The following ESR2 variants were observed in gnomAD, a reference collection of about 807,000 sequenced individuals.
ESR2 encodes estrogen receptor 2.
In ESR2, 36 loss-of-function variants were observed where a neutral mutation model predicts 49.6. That is an observed-to-expected ratio of 0.73 (90% CI 0.56 to 0.96). The LOEUF (loss-of-function observed/expected upper bound fraction) is 0.96, where lower values mean the gene tolerates loss of function less well. Among genes scored for constraint, ESR2 ranks in the 40% least tolerant of loss-of-function variants. The probability of loss-of-function intolerance (pLI) is 0.00; values close to 1 mark genes in which losing one functional copy is unlikely to be tolerated. For missense variants in ESR2, 714 were observed against 693.0 expected (o/e 1.03, Z -0.34); for synonymous variants, 320 against 266.1 (o/e 1.20, Z -1.97).
chr14:64,259,438 T>G (rs2076167750), intron 5 of ESR2, among the ~76,000 whole-genome samples: 1 of 152,236 alleles, frequency 6.6e-6, no homozygotes, highest in Non-Finnish European at 1.5e-5. Flanking sequence ...GAGACTTCAT[T>G]TCTTCAAGGA....
At chr14:64,286,319 T>A (rs2076784797) in intron 1 of ESR2, among the ~76,000 whole-genome samples, 1 of 152,148 alleles carries the variant, frequency 6.6e-6, no homozygotes, top group African/African-American at 2.4e-5. Context: ...ATTTTTTTTT[T>A]ACATGGAGTT....
chr14:64,272,945 A>G (rs906778391), intron 3 of ESR2, among the ~76,000 whole-genome samples: 1 of 152,110 alleles, frequency 6.6e-6, no homozygotes, highest in African/African-American at 2.4e-5. Flanking sequence ...GAATCTGTAG[A>G]TTGCTTTGGG....
chr14:64,292,025 A>T (rs1342393561), intron 1 of ESR2, among the ~76,000 whole-genome samples: 3 of 152,214 alleles, frequency 2.0e-5, no homozygotes, highest in Admixed American at 2.0e-4. Flanking sequence ...ATATGCCATA[A>T]CCAAAGGCTT....
chr14:64,278,733 T>G (rs2076606513), intron 3 of ESR2, among the ~76,000 whole-genome samples: 1 of 152,076 alleles, frequency 6.6e-6, no homozygotes, highest in Non-Finnish European at 1.5e-5. Context: ...CAAAGACACA[T>G]GCAGGGAGAT....
intron 1 of ESR2, among the ~76,000 whole-genome samples, chr14:64,323,752 C>T (rs1050618759): frequency 6.6e-6 from 1 of 152,080 alleles, no homozygotes; most frequent in Non-Finnish European, 1.5e-5. Flanking sequence ...AGTGCAGTGG[C>T]ACGATCTCAG....
Position 64,228,341 on chromosome 14 carries a change from A to C in ESR2, c.*4796T>G, listed in dbSNP as rs2098724171. On this transcript the variant is annotated 3_prime_UTR_variant, in exon 9 of 9. Coordinates refer to ENST00000341099, the MANE Select transcript of ESR2 (RefSeq NM_001437.3). Reference sequence around the variant, plus strand: ...ATTTTTAAAGCCAAAATAATGAAACACTTTATTTATATCATGTTAAACTCT... The same window carrying C: ...ATTTTTAAAGCCAAAATAATGAAACCCTTTATTTATATCATGTTAAACTCT... Among the ~76,000 whole-genome samples the C allele has an allele frequency of 1.3e-5, 2 of 152,180 alleles. No homozygotes were observed. The highest frequency in any genetic ancestry group is 4.2e-4 in the South Asian group (2 of 4,818).
At chr14:64,322,045 A>G (rs188859720) in intron 1 of ESR2, among the ~76,000 whole-genome samples, 2 of 151,936 alleles carry the variant, frequency 1.3e-5, no homozygotes, top group Admixed American at 1.3e-4. Context: ...TTAATCTATA[A>G]TAAAAATAAA....
chr14:64,243,486 A>G (rs1347191468), intron 7 of ESR2, among the ~76,000 whole-genome samples: 1 of 152,238 alleles, frequency 6.6e-6, no homozygotes, highest in Non-Finnish European at 1.5e-5. Flanking sequence ...AAAAACATGC[A>G]GTATCTGTGA....
chr14:64,234,778 C>T (rs142153976), intron 8 of ESR2, 192 bp downstream of exon 8: 6 of 1,272,532 alleles, frequency 4.7e-6, no homozygotes, highest in Non-Finnish European at 6.3e-6. Flanking sequence ...CTGTAAGATA[C>T]CACATGACAT....
At chr14:64,266,337 T>C (rs1596416423) in intron 4 of ESR2, among the ~76,000 whole-genome samples, 1 of 152,228 alleles carries the variant, frequency 6.6e-6, no homozygotes. Flanking sequence ...TTCAGAGACA[T>C]GAAAACCAAG....
chr14:64,255,539 TAG>T (rs1437072798), intron 6 of ESR2, among the ~76,000 whole-genome samples: 3 of 152,138 alleles, frequency 2.0e-5, no homozygotes, highest in Admixed American at 2.0e-4. Flanking sequence ...TAGAATAAAG[TAG>T]AGAGTTAGTT....
chr14:64,248,812 C>G (rs550751916), intron 7 of ESR2, among the ~76,000 whole-genome samples: 1 of 152,114 alleles, frequency 6.6e-6, no homozygotes, highest in Non-Finnish European at 1.5e-5. Context: ...AATGGGCCCC[C>G]GGCTTCAGTC....
intron 1 of ESR2, among the ~76,000 whole-genome samples, chr14:64,320,541 AC>A (rs1425648653): frequency 6.6e-6 from 1 of 152,166 alleles, no homozygotes; most frequent in African/African-American, 2.4e-5. Context: ...ACTTTTCAAA[AC>A]CCATAGAATG....
intron 3 of ESR2, among the ~76,000 whole-genome samples, chr14:64,277,975 CA>C (rs67110377): frequency 0.66 from 95,477 of 144,828 alleles, 31,814 homozygotes; most frequent in African/African-American, 0.86. Context: ...TCCCCAAAAG[CA>C]AAAAAAAAAA....
At chr14:64,312,403 C>T (rs933232008) in intron 1 of ESR2, among the ~76,000 whole-genome samples, 1 of 151,992 alleles carries the variant, frequency 6.6e-6, no homozygotes, top group Non-Finnish European at 1.5e-5. Context: ...CCAGTTAGGC[C>T]GGGCGCAGTG....
At chr14:64,234,788 T>C (rs946999478) in intron 8 of ESR2, 182 bp downstream of exon 8, 1 of 1,332,076 alleles carries the variant, frequency 7.5e-7, no homozygotes, top group Non-Finnish European at 9.9e-7. Flanking sequence ...CCACATGACA[T>C]TCCTTCCATG....
chr14:64,260,680 AGTG>A lies in ESR2; in HGVS notation c.718_720del (p.His240del). 5 of 1,560,042 alleles carry A rather than the reference AGTG, an allele frequency of 3.2e-6. No homozygotes were observed. The Admixed American group carries it at 5.7e-5, about 18-fold the overall frequency. ...CCACTTCTCTTGGCCTTGCCGGCACAGTGCAGCTGCTCGTCGGCACTTCTCTGT... is the reference window on the plus strand; with the variant it reads ...CCACTTCTCTTGGCCTTGCCGGCACACAGCTGCTCGTCGGCACTTCTCTGT... On this transcript the variant is annotated inframe_deletion, in exon 5 of 9. Coordinates refer to ENST00000341099, the MANE Select transcript of ESR2 (RefSeq NM_001437.3).
chr14:64,276,332 A>C (rs917497885), intron 3 of ESR2, among the ~76,000 whole-genome samples: 5 of 152,252 alleles, frequency 3.3e-5, no homozygotes, highest in African/African-American at 1.2e-4. Flanking sequence ...AGAAGATAAA[A>C]GAGAAAATAC....
Position 64,282,639 on chromosome 14 carries a change from G to T in ESR2, c.347C>A (p.Thr116Asn). The T allele has an allele frequency of 6.2e-7, 1 of 1,603,524 alleles. No homozygotes were observed. The highest frequency in any genetic ancestry group is 8.5e-7 in the Non-Finnish European group (1 of 1,171,216). Residue 116 changes from threonine (T) to asparagine (N), a missense_variant, in exon 2 of 9, where the codon ACC (threonine) becomes AAC (asparagine). Physicochemically the swap from Thr to Asn is moderately conservative, Grantham distance 65. Transcript: ENST00000341099. ...CTGGACTTACCTGTTTACAGGTAAG[G>T]TGTGTTCTAGCGATCTTGCTTCACA... ...PWCEARSLEH[T>N]LPVNRETLKR...
Sources: gnomAD v4.1 joint callset for allele counts (sites outside exome capture counted in the v4.1 genomes callset) on GRCh38, gnomAD v4.1.1 for gene constraint, MANE v1.5 for transcripts, NCBI Gene and HGNC (gene_info 2026-07-23, HGNC 2026-07-21) for gene names.